The following ZNF536 variants were observed in gnomAD, a reference collection of about 807,000 sequenced individuals.
ZNF536 encodes the protein zinc finger protein 536.
ZNF536 carries 13 observed loss-of-function variants against 84.5 expected under a neutral mutation model. The observed-to-expected ratio is 0.15, with a 90% confidence interval of 0.10 to 0.24. The LOEUF (loss-of-function observed/expected upper bound fraction) is 0.24, where lower values mean the gene tolerates loss of function less well. Ranked by LOEUF, ZNF536 falls within the 10% of genes least tolerant of loss-of-function variation. The pLI is 1.00. For missense variants in ZNF536, 1,536 were observed against 1,747.5 expected (o/e 0.88, Z 2.16); for synonymous variants, 811 against 742.5 (o/e 1.09, Z -1.50).
chr19:30,593,248 A>C (rs2047336069), intron 1 of ZNF536, among the ~76,000 whole-genome samples: 1 of 152,060 alleles, frequency 6.6e-6, no homozygotes, highest in Admixed American at 6.5e-5. Flanking sequence ...GGCCAACCCC[A>C]GCTTCCTTGC....
At chr19:30,702,302 T>C (rs963652388) in intron 1 of ZNF536, among the ~76,000 whole-genome samples, 2 of 152,248 alleles carry the variant, frequency 1.3e-5, no homozygotes, top group Non-Finnish European at 2.9e-5. Context: ...ATATTATTCA[T>C]AGTGGATTAA....
At chr19:30,341,982 C>T (rs1207463846) in intron 2 of ZNF536, among the ~76,000 whole-genome samples, 3 of 152,192 alleles carry the variant, frequency 2.0e-5, no homozygotes, top group African/African-American at 7.2e-5. Context: ...GATCAGATGA[C>T]TTTATGTATA....
At chr19:30,413,857 C>T (rs985406649) in intron 1 of ZNF536, among the ~76,000 whole-genome samples, 3 of 151,900 alleles carry the variant, frequency 2.0e-5, no homozygotes, top group Middle Eastern at 3.4e-3. Context: ...TTTGGGAGGC[C>T]GAGGTGGGCA....
At chr19:30,478,163 T>G (rs2053927280) in intron 2 of ZNF536, among the ~76,000 whole-genome samples, 1 of 151,632 alleles carries the variant, frequency 6.6e-6, no homozygotes, top group Non-Finnish European at 1.5e-5. Context: ...GTGTTTTTTT[T>G]TTTTTTTTTC....
chr19:30,349,404 C>G (rs927235669), intron 2 of ZNF536, among the ~76,000 whole-genome samples: 1 of 152,190 alleles, frequency 6.6e-6, no homozygotes, highest in Non-Finnish European at 1.5e-5. Flanking sequence ...GAAAATGTTC[C>G]TGCCTTCCTT....
intron 1 of ZNF536, among the ~76,000 whole-genome samples, chr19:30,379,624 A>G (rs2048945588): frequency 6.6e-6 from 1 of 150,536 alleles, no homozygotes; most frequent in Admixed American, 6.6e-5. Flanking sequence ...TTGAGGGTAG[A>G]CAAGCAGAAG....
intron 1 of ZNF536, among the ~76,000 whole-genome samples, chr19:30,671,062 C>T (rs1000268719): frequency 5.9e-5 from 9 of 152,168 alleles, no homozygotes; most frequent in African/African-American, 1.2e-4. Flanking sequence ...ACTCAATGCA[C>T]GCACGTGCTT....
At chr19:30,281,473 G>T (rs1458892735) in intron 1 of ZNF536, among the ~76,000 whole-genome samples, 1 of 151,922 alleles carries the variant, frequency 6.6e-6, no homozygotes, top group Non-Finnish European at 1.5e-5. Flanking sequence ...TGCCTTTGAT[G>T]TGCTCCTTGT....
intron 1 of ZNF536, among the ~76,000 whole-genome samples, chr19:30,379,873 A>G (rs754243626): frequency 6.6e-6 from 1 of 152,102 alleles, no homozygotes; most frequent in Non-Finnish European, 1.5e-5. Flanking sequence ...CACTGTGCTA[A>G]GTGCCCTACT....
intron 1 of ZNF536, among the ~76,000 whole-genome samples, chr19:30,633,237 A>G (rs1472461890): frequency 6.6e-6 from 1 of 152,206 alleles, no homozygotes; most frequent in Admixed American, 6.5e-5. Flanking sequence ...ACAGGAATAG[A>G]TAGCTCAGGA....
chr19:30,439,206 G>A (rs149728787), intron 1 of ZNF536, among the ~76,000 whole-genome samples: 20 of 152,170 alleles, frequency 1.3e-4, no homozygotes, highest in African/African-American at 4.6e-4. Context: ...CCAAAGCTGC[G>A]ATGGTTTATC....
intron 1 of ZNF536, among the ~76,000 whole-genome samples, chr19:30,705,587 C>A (rs751947878): frequency 1.7e-4 from 26 of 152,192 alleles, no homozygotes; most frequent in South Asian, 1.0e-3. Context: ...CATCCCTTGG[C>A]AAAATTGTCC....
At chr19:30,519,579 A>G (rs1392230572) in intron 2 of ZNF536, among the ~76,000 whole-genome samples, 2 of 152,138 alleles carry the variant, frequency 1.3e-5, no homozygotes, top group African/African-American at 4.8e-5. Flanking sequence ...TCCTGGAGAG[A>G]GCCTGTGGCA....
chr19:30,446,604 G>A (rs937060566), intron 2 of ZNF536, among the ~76,000 whole-genome samples: 4 of 152,138 alleles, frequency 2.6e-5, no homozygotes, highest in East Asian at 1.9e-4. Flanking sequence ...TGCCAGATCC[G>A]TGTGACCTAA....
chr19:30,575,679 G>T (rs916491220), intron 1 of ZNF536, among the ~76,000 whole-genome samples: 2 of 152,224 alleles, frequency 1.3e-5, no homozygotes, highest in Non-Finnish European at 2.9e-5. Context: ...TGGTGAGAAG[G>T]CTATGGAGAG....
chr19:30,507,094 G>T (rs895006348), intron 2 of ZNF536, among the ~76,000 whole-genome samples: 1 of 152,198 alleles, frequency 6.6e-6, no homozygotes, highest in Non-Finnish European at 1.5e-5. Context: ...GGGCGTGGTG[G>T]CTCACGCCTA....
intron 2 of ZNF536, among the ~76,000 whole-genome samples, chr19:30,320,806 T>A (rs61363070): frequency 6.6e-6 from 1 of 152,090 alleles, no homozygotes; most frequent in South Asian, 2.1e-4. Context: ...CCCGGGAGAA[T>A]CAGGGCCTTA....
At chr19:30,606,327 T>C (rs2047890393) in intron 1 of ZNF536, among the ~76,000 whole-genome samples, 1 of 148,250 alleles carries the variant, frequency 6.7e-6, no homozygotes, top group Admixed American at 6.7e-5. Context: ...AAAATAAAAG[T>C]GCCTGCAAGG....
intron 1 of ZNF536, among the ~76,000 whole-genome samples, chr19:30,283,657 C>G (rs961611784): frequency 6.6e-6 from 1 of 151,772 alleles, no homozygotes; most frequent in African/African-American, 2.4e-5. Flanking sequence ...ATAAATCAAT[C>G]AGGGAAAAAG....
Sources: gnomAD v4.1 joint callset for allele counts (sites outside exome capture counted in the v4.1 genomes callset) on GRCh38, gnomAD v4.1.1 for gene constraint, MANE v1.5 for transcripts, NCBI Gene and HGNC (gene_info 2026-07-23, HGNC 2026-07-21) for gene names.